The following ANKFN1 variants were observed in gnomAD, a reference collection of about 807,000 sequenced individuals.
ANKFN1 encodes ankyrin repeat and fibronectin type III domain containing 1.
In ANKFN1, 74 loss-of-function variants were observed where a neutral mutation model predicts 108.7. The ratio of observed to expected loss-of-function variants is 0.68; its 90% confidence interval spans 0.56 to 0.83. The LOEUF (loss-of-function observed/expected upper bound fraction) is 0.83, where lower values mean the gene tolerates loss of function less well. Ranked by LOEUF, ANKFN1 falls within the 40% of genes least tolerant of loss-of-function variation. The pLI, the probability that ANKFN1 is intolerant of heterozygous loss-of-function variation, is 0.00. For missense variants in ANKFN1, 1,505 were observed against 1,382.3 expected, an observed-to-expected ratio of 1.09 and a Z score of -1.41; for synonymous variants, 547 against 516.2, an observed-to-expected ratio of 1.06 and a Z score of -0.81.
At chr17:56,179,170 A>G (rs16956861) in intron 1 of ANKFN1, among the ~76,000 whole-genome samples, 47,996 of 152,144 alleles carry the variant, frequency 0.32, 9,061 homozygotes, top group East Asian at 0.51. Flanking sequence ...GCTCTAAAGC[A>G]TATTTGAACA....
intron 3 of ANKFN1, among the ~76,000 whole-genome samples, chr17:56,299,346 A>AGC (rs1392129644): frequency 5.9e-5 from 9 of 151,974 alleles, no homozygotes; most frequent in Non-Finnish European, 1.0e-4. Context: ...ACCCTTGGAT[A>AGC]GTCTCCCCAG....
At chr17:56,049,246 C>A (rs2143068559) in intron 4 of ANKFN1, among the ~76,000 whole-genome samples, 1 of 152,302 alleles carries the variant, frequency 6.6e-6, no homozygotes, top group Non-Finnish European at 1.5e-5. Context: ...TATTCATTCG[C>A]TAATGATTTG....
intron 3 of ANKFN1, among the ~76,000 whole-genome samples, chr17:56,309,494 C>G (rs2044943933): frequency 6.6e-6 from 1 of 152,004 alleles, no homozygotes; most frequent in South Asian, 2.1e-4. Context: ...GACATTTTCT[C>G]TGTTTCATTG....
At chr17:56,057,471 C>A (rs1328844676) in intron 4 of ANKFN1, among the ~76,000 whole-genome samples, 2 of 152,110 alleles carry the variant, frequency 1.3e-5, no homozygotes, top group African/African-American at 2.4e-5. Context: ...CAGCGATAGA[C>A]TTAAGTATAT....
At chr17:56,259,118 T>C (rs1872205364) in intron 3 of ANKFN1, among the ~76,000 whole-genome samples, 1 of 152,092 alleles carries the variant, frequency 6.6e-6, no homozygotes, top group Admixed American at 6.6e-5. Flanking sequence ...ATCTCCATTT[T>C]TGAGGGAACA....
intron 3 of ANKFN1, among the ~76,000 whole-genome samples, chr17:56,246,959 T>C (rs891527927): frequency 6.6e-6 from 1 of 152,188 alleles, no homozygotes; most frequent in African/African-American, 2.4e-5. Context: ...AATTTTTCTT[T>C]ACCAGAAAAC....
intron 15 of ANKFN1, among the ~76,000 whole-genome samples, chr17:56,467,088 C>T (rs897270713): frequency 6.6e-6 from 1 of 152,044 alleles, no homozygotes; most frequent in African/African-American, 2.4e-5. Context: ...TGCCCTCCAG[C>T]CTGGACAACA....
chr17:56,432,166 G>GT (rs1242289777), intron 8 of ANKFN1, among the ~76,000 whole-genome samples: 1 of 152,138 alleles, frequency 6.6e-6, no homozygotes, highest in Non-Finnish European at 1.5e-5. Context: ...ATCCATTACA[G>GT]TTTTTTAAAA....
At chr17:56,353,261 CGT>C (rs1567937474) in intron 5 of ANKFN1, among the ~76,000 whole-genome samples, 1 of 148,140 alleles carries the variant, frequency 6.8e-6, no homozygotes, top group African/African-American at 2.5e-5. Flanking sequence ...TTTTTAAGAG[CGT>C]CTCTCTCCGT....
chr17:56,195,370 C>A (rs1913415191), intron 1 of ANKFN1: 1 of 152,176 alleles, frequency 6.6e-6, no homozygotes, highest in Admixed American at 6.5e-5. Context: ...AAGGGTCTAC[C>A]TAGCTCCTGC....
chr17:56,223,799 A>G (rs1916056146), intron 2 of ANKFN1, among the ~76,000 whole-genome samples: 1 of 152,216 alleles, frequency 6.6e-6, no homozygotes, highest in African/African-American at 2.4e-5. Context: ...TCTTTGTACA[A>G]TAAGTTTTCA....
intron 3 of ANKFN1, among the ~76,000 whole-genome samples, chr17:56,234,867 C>T (rs1456189335): frequency 6.6e-6 from 1 of 152,042 alleles, no homozygotes; most frequent in Non-Finnish European, 1.5e-5. Context: ...GGTATGTACC[C>T]AGTATTGGGA....
chr17:56,185,590 G>A (rs1912119734), intron 1 of ANKFN1, among the ~76,000 whole-genome samples: 1 of 152,168 alleles, frequency 6.6e-6, no homozygotes, highest in Non-Finnish European at 1.5e-5. Context: ...AAACTTGTAG[G>A]AGGGAATTCT....
intron 1 of ANKFN1, among the ~76,000 whole-genome samples, chr17:56,202,634 A>G (rs1023563165): frequency 2.0e-5 from 3 of 152,182 alleles, no homozygotes; most frequent in Admixed American, 1.3e-4. Flanking sequence ...GGACCAATAA[A>G]TATTCTGCCT....
chr17:56,124,978 T>C (rs975532337), intron 4 of ANKFN1, among the ~76,000 whole-genome samples: 3 of 152,206 alleles, frequency 2.0e-5, no homozygotes, highest in Non-Finnish European at 2.9e-5. Flanking sequence ...TGAATGCAAA[T>C]AACCAGTCAC....
intron 4 of ANKFN1, among the ~76,000 whole-genome samples, chr17:56,141,621 T>C (rs1907918739): frequency 1.3e-5 from 2 of 151,540 alleles, no homozygotes; most frequent in Non-Finnish European, 1.5e-5. Flanking sequence ...GTTCCTGGAG[T>C]GGTGGGATAT....
At chr17:56,491,326 GA>G (rs1236561524) in intron 18 of ANKFN1, among the ~76,000 whole-genome samples, 1 of 152,168 alleles carries the variant, frequency 6.6e-6, no homozygotes, top group Non-Finnish European at 1.5e-5. Flanking sequence ...TGCCCTGGAA[GA>G]AACCAGTACT....
Position 56,467,799 on chromosome 17 carries a change from A to AAAAAGAAAG in ANKFN1, c.1773+1230_1773+1231insAAGAAAGAA, listed in dbSNP as rs1568026405. 7.3e-3 allele frequency among the ~76,000 whole-genome samples: 147 copies of AAAAAGAAAG among 20,110 alleles called. 1 individual carries two copies. Among genetic ancestry groups the AAAAAGAAAG allele is most frequent in the African/African-American group, 0.032 (139 of 4,358 alleles). The allele number at this position is 20,110 out of a possible 152,430, so 13.2% of individuals were successfully genotyped here. On this transcript the variant is annotated intron_variant, in intron 15 of 20. Transcript: ENST00000682825. ...AGAAAGAAAGAAAGAAAGAAGAAAG[A>AAAAAGAAAG]AAGAAAGAAAGAAAGAAAGAAAGAA...
chr17:56,307,714 C>G (rs2044874607), intron 3 of ANKFN1, among the ~76,000 whole-genome samples: 2 of 152,292 alleles, frequency 1.3e-5, no homozygotes, highest in African/African-American at 4.8e-5. Flanking sequence ...TTGACCCAGC[C>G]ATCCCATTAC....
Sources: allele counts gnomAD v4.1 joint callset (sites outside exome capture counted in the v4.1 genomes callset), GRCh38; gene constraint gnomAD v4.1.1; transcripts MANE v1.5; gene names NCBI Gene and HGNC (gene_info 2026-07-23, HGNC 2026-07-21).